The following PBX1 variants were observed in gnomAD, a reference collection of about 807,000 sequenced individuals.
PBX1 encodes PBX homeobox 1, also known as pre-B-cell leukemia transcription factor 1.
In PBX1, 6 loss-of-function variants were observed where a neutral mutation model predicts 53.4. That is an observed-to-expected ratio of 0.11 (90% CI 0.06 to 0.22). The LOEUF (loss-of-function observed/expected upper bound fraction) is 0.22. PBX1 is among the 10% of genes least tolerant of loss of function. PBX1 has a pLI of 1.00. For synonymous variants in PBX1, 204 were observed against 212.3 expected, an observed-to-expected ratio of 0.96 and a Z score of 0.34; for missense variants, 251 against 551.4, an observed-to-expected ratio of 0.46 and a Z score of 5.46.
At chr1:164,876,815 C>G (rs528113671) in intron 2 of PBX1, among the ~76,000 whole-genome samples, 1 of 152,082 alleles carries the variant, frequency 6.6e-6, no homozygotes, top group Non-Finnish European at 1.5e-5. Flanking sequence ...TTTATCACAG[C>G]CCCCAAATGC....
chr1:164,681,471 T>C (rs1177115498), intron 2 of PBX1, among the ~76,000 whole-genome samples: 1 of 152,210 alleles, frequency 6.6e-6, no homozygotes, highest in Admixed American at 6.5e-5. Context: ...TATATTAAGA[T>C]ATTAATTTCA....
At chr1:164,803,346 C>T (rs1197207156) in intron 4 of PBX1, among the ~76,000 whole-genome samples, 1 of 152,196 alleles carries the variant, frequency 6.6e-6, no homozygotes, top group Non-Finnish European at 1.5e-5. Flanking sequence ...GCCTAAAATA[C>T]TGAGTTTCAG....
In PBX1 at chr1:164,573,348, C is replaced by T. The variant is rs748580229; in HGVS notation, c.265+10037C>T. ...AGTGAAATGAATTTTAATAATACAT[C>T]TTATTTAACTTAAATACATTGAAAA... On this transcript the variant is annotated intron_variant, in intron 2 of 8. Transcript: ENST00000420696. Among the ~76,000 whole-genome samples, 11 of 151,758 alleles carry T rather than the reference C, an allele frequency of 7.2e-5. 1 individual carries two copies. In the South Asian group the frequency reaches 1.5e-3, roughly 20 times the overall value.
At chr1:164,673,450 C>T in intron 2 of PBX1, among the ~76,000 whole-genome samples, 1 of 135,592 alleles carries the variant, frequency 7.4e-6, no homozygotes, top group African/African-American at 3.1e-5. Context: ...TTTTTTTCTT[C>T]TGGAAAATTA....
At chr1:164,738,552 A>G (rs1017361579) in intron 2 of PBX1, among the ~76,000 whole-genome samples, 3 of 152,236 alleles carry the variant, frequency 2.0e-5, no homozygotes, top group African/African-American at 7.2e-5. Flanking sequence ...GTGCCACATT[A>G]TAGGCATGAG....
chr1:164,715,884 C>T (rs536082281), intron 2 of PBX1, among the ~76,000 whole-genome samples: 1 of 152,298 alleles, frequency 6.6e-6, no homozygotes, highest in Admixed American at 6.5e-5. Flanking sequence ...TTGTATTCCA[C>T]GCCTCCTCTC....
intron 2 of PBX1, among the ~76,000 whole-genome samples, chr1:164,882,572 A>G (rs1463191975): frequency 6.6e-6 from 1 of 152,220 alleles, no homozygotes; most frequent in Non-Finnish European, 1.5e-5. Flanking sequence ...CTACTGAACT[A>G]ACGCATATTT....
At chr1:164,688,935 G>A (rs10918057) in intron 2 of PBX1, among the ~76,000 whole-genome samples, 27,170 of 152,220 alleles carry the variant, frequency 0.18, 2,992 homozygotes, top group East Asian at 0.33. Context: ...ACCCCGTCTT[G>A]CCTCATCCCT....
intron 2 of PBX1, among the ~76,000 whole-genome samples, chr1:164,655,656 G>C (rs1456748858): frequency 6.6e-6 from 1 of 152,168 alleles, no homozygotes; most frequent in Non-Finnish European, 1.5e-5. Flanking sequence ...CTTACTGTTT[G>C]TGTTTGCTGA....
intron 2 of PBX1, among the ~76,000 whole-genome samples, chr1:164,610,878 C>T (rs1656877707): frequency 1.3e-5 from 2 of 152,230 alleles, no homozygotes; most frequent in South Asian, 2.1e-4. Context: ...AAATGTTTGA[C>T]CAGCAGAATG....
At position 164,559,924 on chromosome 1, in the gene PBX1, G is replaced by A; in HGVS notation, c.102G>A (p.Glu34=). ...QHLQDGAGGT[E]GEGGRKQDIG... ...TGCAGGATGGGGCCGGAGGGACCGA[G>A]GGGGAGGGCGGGAGGAAGCAGGACA... The change falls in exon 1 of 9, where the codon GAG becomes GAA. Residue 34 remains glutamate (E), a synonymous_variant. Coordinates refer to ENST00000420696, the MANE Select transcript of PBX1 (RefSeq NM_002585.4). 1 of 1,548,692 alleles carries A rather than the reference G, an allele frequency of 6.5e-7. No homozygotes were observed. The highest frequency in any genetic ancestry group is 8.7e-7 in the Non-Finnish European group (1 of 1,145,568).
chr1:164,776,283 G>A (rs551620502), intron 2 of PBX1, among the ~76,000 whole-genome samples: 4 of 152,106 alleles, frequency 2.6e-5, no homozygotes, highest in Non-Finnish European at 5.9e-5. Context: ...CAGAGAATCC[G>A]CATCCCCAGA....
chr1:164,869,359 G>A (rs1185300849), intron 2 of PBX1, among the ~76,000 whole-genome samples: 2 of 152,210 alleles, frequency 1.3e-5, no homozygotes, highest in African/African-American at 4.8e-5. Flanking sequence ...TCCCAGGCCA[G>A]GGTGAAGCAG....
chr1:164,639,869 G>T (rs542880223), intron 2 of PBX1, among the ~76,000 whole-genome samples: 1 of 152,076 alleles, frequency 6.6e-6, no homozygotes, highest in African/African-American at 2.4e-5. Flanking sequence ...TTACTATGTT[G>T]CCTAGGCTAG....
intron 2 of PBX1, among the ~76,000 whole-genome samples, chr1:164,645,616 G>C (rs541324970): frequency 1.3e-5 from 2 of 152,194 alleles, no homozygotes; most frequent in South Asian, 4.2e-4. Context: ...AGGAGGACTT[G>C]GGATGGAAAT....
intron 8 of PBX1, among the ~76,000 whole-genome samples, chr1:164,842,985 G>A (rs935664737): frequency 4.7e-5 from 7 of 147,716 alleles, no homozygotes; most frequent in South Asian, 4.4e-4. Context: ...ACACAAAGGC[G>A]GAGTTTCCTA....
chr1:164,699,663 C>G (rs937504036), intron 2 of PBX1, among the ~76,000 whole-genome samples: 1 of 152,198 alleles, frequency 6.6e-6, no homozygotes, highest in African/African-American at 2.4e-5. Context: ...GAAATCACTT[C>G]TTTGTCTAAA....
chr1:164,730,927 A>G (rs1048643800), intron 2 of PBX1, among the ~76,000 whole-genome samples: 1 of 152,138 alleles, frequency 6.6e-6, no homozygotes, highest in East Asian at 1.9e-4. Context: ...ATTTTACTGC[A>G]TGTTTACATT....
intron 5 of PBX1, among the ~76,000 whole-genome samples, chr1:164,809,395 T>C (rs1232988035): frequency 6.6e-6 from 1 of 152,216 alleles, no homozygotes. Context: ...AGTCATGCCA[T>C]TCTTTCTTCC....
Sources: allele counts gnomAD v4.1 joint callset (sites outside exome capture counted in the v4.1 genomes callset), GRCh38; gene constraint gnomAD v4.1.1; transcripts MANE v1.5; gene names NCBI Gene and HGNC (gene_info 2026-07-23, HGNC 2026-07-21).